The following SVOPL variants were observed in gnomAD, a reference collection of about 807,000 sequenced individuals.
SVOPL encodes the protein SVOP like, also known as putative transporter SVOPL.
SVOPL carries 60 observed loss-of-function variants against 61.0 expected under a neutral mutation model. The observed-to-expected ratio is 0.98, with a 90% CI of 0.80 to 1.22. The LOEUF is 1.22. SVOPL is among the 50% of genes most tolerant of loss of function. The probability of loss-of-function intolerance (pLI) is 0.00; values close to 1 mark genes in which losing one functional copy is unlikely to be tolerated. For missense variants in SVOPL, 662 were observed against 643.9 expected (o/e 1.03, Z -0.30); for synonymous variants, 279 against 250.0 (o/e 1.12, Z -1.09).
chr7:138,661,271 G>C, intron 5 of SVOPL: 3 of 985,372 alleles, frequency 3.0e-6, no homozygotes, highest in Non-Finnish European at 3.6e-6. Context: ...GTAGGCACGT[G>C]ACTTTGAGCA....
At chr7:138,595,837 A>G (rs1313748211) in intron 15 of SVOPL, among the ~76,000 whole-genome samples, 1 of 152,202 alleles carries the variant, frequency 6.6e-6, no homozygotes, top group Non-Finnish European at 1.5e-5. Flanking sequence ...ATTACATAAT[A>G]GATCACCTAA....
intron 8 of SVOPL, among the ~76,000 whole-genome samples, chr7:138,647,932 T>C (rs942676452): frequency 2.0e-5 from 3 of 152,030 alleles, no homozygotes; most frequent in Admixed American, 1.3e-4. Context: ...ATGCCTGTAT[T>C]GAGTCGAGGT....
chr7:138,634,736 G>A (rs1311367155), intron 9 of SVOPL, among the ~76,000 whole-genome samples: 1 of 151,868 alleles, frequency 6.6e-6, no homozygotes, highest in East Asian at 1.9e-4. Context: ...GCTGAGATGG[G>A]AGGATTGCTT....
Position 138,649,145 on chromosome 7 carries a change from G to C in SVOPL, c.535-8C>G, listed in dbSNP as rs745323546. On this transcript the variant is annotated splice_polypyrimidine_tract_variant and splice_region_variant and intron_variant, in intron 7 of 15. Coordinates refer to ENST00000674285, the MANE Select transcript of SVOPL (RefSeq NM_001139456.2). Reference sequence around the variant, plus strand: ...GCCCGCAAGCCAGAACACCTAGGAAGAGAGAAGTCCAGGATTAAAGTTCTT... The same window carrying C: ...GCCCGCAAGCCAGAACACCTAGGAACAGAGAAGTCCAGGATTAAAGTTCTT... The C allele has an allele frequency of 1.2e-6, 2 of 1,605,122 alleles. No homozygotes were observed. The highest frequency in any genetic ancestry group is 1.7e-6 in the Non-Finnish European group (2 of 1,176,404).
At chr7:138,635,577 C>T (rs1037423101) in intron 9 of SVOPL, among the ~76,000 whole-genome samples, 12 of 151,886 alleles carry the variant, frequency 7.9e-5, no homozygotes, top group African/African-American at 1.9e-4. Context: ...GAGATTTACA[C>T]ACTTGTCAAC....
At chr7:138,676,407 C>T (rs116065558) in intron 3 of SVOPL, among the ~76,000 whole-genome samples, 2,178 of 152,262 alleles carry the variant, frequency 0.014, 59 homozygotes, top group African/African-American at 0.05. Context: ...TTCTGCTGCC[C>T]GGAGAGGACC....
chr7:138,601,049 A>G (rs1798496779), intron 14 of SVOPL, among the ~76,000 whole-genome samples: 1 of 151,902 alleles, frequency 6.6e-6, no homozygotes, highest in Non-Finnish European at 1.5e-5. Context: ...CAGGAGATCG[A>G]GACCATCCTG....
At chr7:138,692,520 T>A (rs1190373584) in intron 1 of SVOPL, among the ~76,000 whole-genome samples, 1 of 152,152 alleles carries the variant, frequency 6.6e-6, no homozygotes, top group African/African-American at 2.4e-5. Flanking sequence ...AAAGTCAACA[T>A]AATAGCATTG....
intron 13 of SVOPL, among the ~76,000 whole-genome samples, chr7:138,624,811 C>T (rs1209739491): frequency 6.6e-6 from 1 of 151,936 alleles, no homozygotes; most frequent in African/African-American, 2.4e-5. Context: ...AATCCTCCTG[C>T]CTCAGCCTCC....
intron 7 of SVOPL, 108 bp from the exon 8 acceptor site, chr7:138,649,245 T>C (rs1801301527): frequency 2.2e-6 from 3 of 1,371,390 alleles, no homozygotes; most frequent in East Asian, 2.6e-5. Context: ...TTCTGTCCCA[T>C]GTGCTTCACA....
intron 14 of SVOPL, among the ~76,000 whole-genome samples, chr7:138,607,144 AT>A (rs1798795556): frequency 6.6e-6 from 1 of 152,064 alleles, no homozygotes; most frequent in African/African-American, 2.4e-5. Context: ...CAGGAGTTTA[AT>A]TTCAAACATG....
At chr7:138,612,574 G>A (rs1255745731) in intron 14 of SVOPL, among the ~76,000 whole-genome samples, 1 of 149,450 alleles carries the variant, frequency 6.7e-6, no homozygotes, top group Non-Finnish European at 1.5e-5. Context: ...GGAGTATAGT[G>A]GTGTGATCTT....
rs970486219 is a variant in SVOPL, at chr7:138,649,019, G to A, written c.653C>T (p.Ala218Val). ...CCACAAGTGCTTCCCCACCTTGAAG[G>A]CCACGATGAGGATGATGCCCGGGAT... is the stretch of plus-strand genomic sequence containing the variant. ...ASIPGIILIV[A>V]FKFIPESARF... The change falls in exon 8 of 16, where the codon GCC becomes GTC. Residue 218 changes from alanine (A) to valine (V), a missense_variant. Physicochemically the swap from Ala to Val is moderately conservative, Grantham distance 64 (BLOSUM62 0). Coordinates refer to ENST00000674285, the MANE Select transcript of SVOPL (RefSeq NM_001139456.2). 10 of 1,613,734 alleles carry A rather than the reference G, an allele frequency of 6.2e-6. No individual in the cohort carries two copies. The highest frequency in any genetic ancestry group is 2.7e-5 in the African/African-American group (2 of 74,874).
chr7:138,686,569 T>G (rs1382772566), intron 1 of SVOPL, among the ~76,000 whole-genome samples: 3 of 148,678 alleles, frequency 2.0e-5, no homozygotes, highest in South Asian at 2.1e-4. Flanking sequence ...TGGGTTTTTT[T>G]TTTTTTTTTT....
chr7:138,605,191 T>TA (rs34189478), intron 14 of SVOPL, among the ~76,000 whole-genome samples: 5,249 of 133,086 alleles, frequency 0.039, 265 homozygotes, highest in African/African-American at 0.13. Flanking sequence ...GACATTTATT[T>TA]AAAAAAAAAA....
At chr7:138,624,649 A>G (rs527811660) in intron 13 of SVOPL, among the ~76,000 whole-genome samples, 24 of 151,842 alleles carry the variant, frequency 1.6e-4, no homozygotes, top group Non-Finnish European at 3.1e-4. Flanking sequence ...TTTTCCTCAT[A>G]TATTATGCTT....
intron 1 of SVOPL, among the ~76,000 whole-genome samples, chr7:138,686,554 T>C (rs1802819252): frequency 7.6e-6 from 1 of 130,750 alleles, no homozygotes. Context: ...GAGTTTTTTG[T>C]TTTTTGGGTT....
intron 9 of SVOPL, among the ~76,000 whole-genome samples, chr7:138,639,297 A>G (rs918466567): frequency 3.3e-5 from 5 of 151,652 alleles, no homozygotes; most frequent in Non-Finnish European, 7.4e-5. Flanking sequence ...AGAAGCCCAC[A>G]TATGCCAGGA....
chr7:138,629,944 T>C lies in SVOPL; in HGVS notation c.863+105A>G, dbSNP rs796518891. On this transcript the variant is annotated intron_variant, in intron 10 of 15. Transcript: ENST00000674285. The stretch of plus-strand genomic sequence containing the variant: ...TGCTTGTCTTTGTAGTATTTGGAGT[T>C]AGTCTTATGTTTTTCTCCCCAGTGG... 3 of 819,466 alleles carry C rather than the reference T, an allele frequency of 3.7e-6. No individual in the cohort carries two copies. The African/African-American group carries it at 5.1e-5, about 14-fold the overall frequency. 50.8% of individuals were successfully genotyped at this position (819,466 alleles called of 1,614,324 possible).
Sources: allele counts gnomAD v4.1 joint callset (sites outside exome capture counted in the v4.1 genomes callset), GRCh38; gene constraint gnomAD v4.1.1; transcripts MANE v1.5; gene names NCBI Gene and HGNC (gene_info 2026-07-23, HGNC 2026-07-21).